The following DSCAML1 variants were observed in gnomAD, a reference collection of about 807,000 sequenced individuals.
DSCAML1 encodes the protein DS cell adhesion molecule like 1.
A neutral mutation model predicts 200.5 loss-of-function variants in DSCAML1; 38 were observed. The ratio of observed to expected loss-of-function variants is 0.19; its 90% CI spans 0.15 to 0.25. The LOEUF is 0.25. DSCAML1 is among the 10% of genes least tolerant of loss of function. The pLI is 1.00. For synonymous variants in DSCAML1, 1,215 were observed against 1,165.0 expected, an observed-to-expected ratio of 1.04 and a Z score of -0.87; for missense variants, 2,223 against 2,858.8, an observed-to-expected ratio of 0.78 and a Z score of 5.07.
At chr11:117,751,311 TAA>T (rs1013692790) in intron 3 of DSCAML1, among the ~76,000 whole-genome samples, 1 of 150,532 alleles carries the variant, frequency 6.6e-6, no homozygotes, top group Non-Finnish European at 1.5e-5. Flanking sequence ...TATGCTCCCT[TAA>T]AAAAAAATCT....
At chr11:117,577,641 A>G (rs1591286628) in intron 3 of DSCAML1, among the ~76,000 whole-genome samples, 1 of 142,982 alleles carries the variant, frequency 7.0e-6, no homozygotes, top group African/African-American at 2.6e-5. Flanking sequence ...ATCTCGTTTC[A>G]CTGCAACCTC....
At chr11:117,714,617 G>A (rs900527512) in intron 3 of DSCAML1, among the ~76,000 whole-genome samples, 7 of 152,042 alleles carry the variant, frequency 4.6e-5, no homozygotes, top group African/African-American at 1.7e-4. Flanking sequence ...AGGAGGTCGG[G>A]AGCAGCCTGG....
chr11:117,651,427 C>T (rs549678779), intron 3 of DSCAML1, among the ~76,000 whole-genome samples: 21 of 152,142 alleles, frequency 1.4e-4, no homozygotes, highest in African/African-American at 4.3e-4. Flanking sequence ...ACCCCTAGGC[C>T]GGGTGCGGTG....
intron 1 of DSCAML1, among the ~76,000 whole-genome samples, chr11:117,805,974 G>A (rs1277573534): frequency 6.6e-6 from 1 of 152,188 alleles, no homozygotes; most frequent in Non-Finnish European, 1.5e-5. Flanking sequence ...GGCAGAGTCA[G>A]GGCTTAGGTC....
chr11:117,492,760 C>T (rs778716858), intron 11 of DSCAML1, among the ~76,000 whole-genome samples: 11 of 152,170 alleles, frequency 7.2e-5, no homozygotes, highest in African/African-American at 1.7e-4. Flanking sequence ...CAGCCTTCGA[C>T]GGCAGCGGCA....
At chr11:117,467,203 T>G (rs57082039) in intron 16 of DSCAML1, among the ~76,000 whole-genome samples, 14,454 of 94,150 alleles carry the variant, frequency 0.15, 1,623 homozygotes, top group East Asian at 0.45. Context: ...ACCTCCCCCC[T>G]CCCCCCGCCG....
At chr11:117,472,825 T>G (rs2137184484) in intron 14 of DSCAML1, among the ~76,000 whole-genome samples, 1 of 152,322 alleles carries the variant, frequency 6.6e-6, no homozygotes, top group South Asian at 2.1e-4. Context: ...TCCAGTCATT[T>G]GTTAAATATG....
At chr11:117,707,149 A>G (rs2053771458) in intron 3 of DSCAML1, among the ~76,000 whole-genome samples, 1 of 152,212 alleles carries the variant, frequency 6.6e-6, no homozygotes, top group Non-Finnish European at 1.5e-5. Flanking sequence ...AGTTCCTGAC[A>G]TGAATGCCCT....
chr11:117,505,328 A>C lies in DSCAML1; in HGVS notation c.2062+126T>G. ...GAAAATAAGAGGTTTAGGCTCCAAC[A>C]GGCCCTTCAAGATGCTGGAGCCCAC... On this transcript the variant is annotated intron_variant, in intron 9 of 32. Transcript: ENST00000651296. The surrounding 1 kb of genome is among the most constrained non-coding windows in gnomAD (Gnocchi z 6.7). 7.6e-7 allele frequency: 1 copy of C among 1,310,616 alleles called. No individual in the cohort carries two copies. Among genetic ancestry groups the C allele is most frequent in the Non-Finnish European group, 1.0e-6 (1 of 964,810 alleles). The allele number at this position is 1,310,616 out of a possible 1,614,324, so 81.2% of individuals were successfully genotyped here.
intron 3 of DSCAML1, among the ~76,000 whole-genome samples, chr11:117,708,123 C>A (rs2053785695): frequency 6.6e-6 from 1 of 152,204 alleles, no homozygotes; most frequent in Admixed American, 6.5e-5. Context: ...GTACCCCCCA[C>A]ACACCATAGG....
intron 3 of DSCAML1, among the ~76,000 whole-genome samples, chr11:117,544,335 A>T (rs2050331571): frequency 6.6e-6 from 1 of 152,212 alleles, no homozygotes; most frequent in Non-Finnish European, 1.5e-5. Flanking sequence ...GCCTGCAGAT[A>T]GTTCATAGGA....
chr11:117,665,763 C>T (rs2052962448), intron 3 of DSCAML1, among the ~76,000 whole-genome samples: 1 of 152,158 alleles, frequency 6.6e-6, no homozygotes. Flanking sequence ...TCAGTCCCTG[C>T]CCAGGACACG....
intron 3 of DSCAML1, among the ~76,000 whole-genome samples, chr11:117,549,262 C>T (rs2050430231): frequency 6.6e-6 from 1 of 152,234 alleles, no homozygotes; most frequent in African/African-American, 2.4e-5. Context: ...CCCCTGCCTC[C>T]CAGTCCTTAG....
At position 117,451,992 on chromosome 11, in the gene DSCAML1, C is replaced by A. The variant is rs753679358; in HGVS notation, c.3569-1304G>T. 3.9e-5 allele frequency among the ~76,000 whole-genome samples: 6 copies of A among 152,024 alleles called. No individual in the cohort carries two copies. The East Asian group carries it at 1.2e-3, about 29-fold the overall frequency. ...TAAATAAAATAACTAGATACAGCGT[C>A]ATCATCCTTCTGGGGGCCTGAGTCC... On this transcript the variant is annotated intron_variant, in intron 19 of 32. Coordinates refer to ENST00000651296, the MANE Select transcript of DSCAML1 (RefSeq NM_020693.4).
intron 3 of DSCAML1, among the ~76,000 whole-genome samples, chr11:117,632,183 A>G (rs2052188540): frequency 6.6e-6 from 1 of 152,238 alleles, no homozygotes; most frequent in Non-Finnish European, 1.5e-5. Context: ...CATCAGCAGT[A>G]AACTTGTTGT....
intron 8 of DSCAML1, among the ~76,000 whole-genome samples, chr11:117,510,925 TCTC>T (rs1419415767): frequency 2.6e-5 from 4 of 152,200 alleles, no homozygotes; most frequent in Admixed American, 6.5e-5. Flanking sequence ...ATGCAGGCCA[TCTC>T]CTCCTAGGGA....
At chr11:117,508,675 G>A (rs1398855049) in intron 8 of DSCAML1, among the ~76,000 whole-genome samples, 1 of 152,098 alleles carries the variant, frequency 6.6e-6, no homozygotes, top group Non-Finnish European at 1.5e-5. Flanking sequence ...CCCTGTGTAC[G>A]CTTGAACACG....
chr11:117,543,906 T>C (rs967343292), intron 3 of DSCAML1, among the ~76,000 whole-genome samples: 1 of 152,154 alleles, frequency 6.6e-6, no homozygotes, highest in African/African-American at 2.4e-5. Flanking sequence ...GGTTGGGAGC[T>C]GCTTTTCCAC....
intron 1 of DSCAML1, among the ~76,000 whole-genome samples, chr11:117,787,603 T>C (rs2055381820): frequency 6.6e-6 from 1 of 152,132 alleles, no homozygotes; most frequent in African/African-American, 2.4e-5. Context: ...TTTGGAAAAG[T>C]AGATTTGCCA....
Sources: gnomAD v4.1 joint callset for allele counts (sites outside exome capture counted in the v4.1 genomes callset) on GRCh38, gnomAD v4.1.1 for gene constraint, Gnocchi (gnomAD v3.1) non-coding constraint, MANE v1.5 for transcripts, NCBI Gene and HGNC (gene_info 2026-07-23, HGNC 2026-07-21) for gene names.